Variants in ADAR observed in about 807,000 individuals in gnomAD.
ADAR encodes the protein double-stranded RNA-specific adenosine deaminase.
Under a neutral mutation model 113.2 loss-of-function variants are expected in ADAR, and 41 were observed. The ratio of observed to expected loss-of-function variants is 0.36; its 90% confidence interval spans 0.28 to 0.47. The LOEUF (loss-of-function observed/expected upper bound fraction) is 0.47, where lower values mean the gene tolerates loss of function less well. ADAR is among the 20% of genes least tolerant of loss of function. The pLI is 1.00. For missense variants in ADAR, 1,242 were observed against 1,540.9 expected (o/e 0.81, Z 3.25); for synonymous variants, 605 against 572.6 (o/e 1.06, Z -0.81).
chr1:154,598,707 A>C lies in ADAR; in HGVS notation c.1602-122T>G. 3.7e-6 allele frequency: 3 copies of C among 820,148 alleles called. No homozygotes were observed. The Admixed American group carries it at 6.2e-5, about 17-fold the overall frequency. The allele number at this position is 820,148 out of a possible 1,614,324, so 50.8% of individuals were successfully genotyped here. A position where few individuals can be genotyped will look rare whatever the true frequency, so the allele number is the denominator to read the frequency against. ...AGGGGCTTTTCACTTGTGGAGATGA[A>C]GGGTAGGCCAAGGAACTCCTTCCTA... On this transcript the variant is annotated intron_variant, in intron 2 of 14. Coordinates refer to ENST00000368474, the MANE Select transcript of ADAR (RefSeq NM_001111.5).
At chr1:154,590,138 A>AGGGGGGGGGGGGGGGGGGGGGGGGGGGGG in intron 7 of ADAR, 46 bp downstream of exon 7, 10 of 1,173,740 alleles carry the variant, frequency 8.5e-6, no homozygotes, top group East Asian at 2.5e-5. Context: ...AGGAGTTAGG[A>AGGGGGGGGGGGGGGGGGGGGGGGGGGGGG]GGACCCCCCC....
chr1:154,592,888 C>T (rs1194633455), intron 6 of ADAR, among the ~76,000 whole-genome samples: 1 of 151,882 alleles, frequency 6.6e-6, no homozygotes, highest in Non-Finnish European at 1.5e-5. Context: ...GTAATCCCAG[C>T]ACTTTGGGAG....
At chr1:154,587,475 T>C (rs543390350) in intron 11 of ADAR, among the ~76,000 whole-genome samples, 7 of 152,198 alleles carry the variant, frequency 4.6e-5, no homozygotes, top group Non-Finnish European at 8.8e-5. Flanking sequence ...TTAGTTTCCG[T>C]GTGGACACAG....
chr1:154,596,755 G>C (rs371282124), intron 6 of ADAR, 50 bp downstream of exon 6: 5 of 1,604,824 alleles, frequency 3.1e-6, no homozygotes, highest in Non-Finnish European at 4.3e-6. Context: ...CTGGGTTACA[G>C]ACCATCCCCA....
At chr1:154,621,480 C>A (rs560401797) in intron 1 of ADAR, among the ~76,000 whole-genome samples, 9 of 152,140 alleles carry the variant, frequency 5.9e-5, no homozygotes, top group African/African-American at 2.2e-4. Flanking sequence ...TGCTTTTTAC[C>A]ATGAGGATAA....
rs1463066566 is a variant in ADAR at position 154,597,053 on chromosome 1, G to A, written c.2080-58C>T. 2.5e-6 allele frequency: 4 copies of A among 1,613,960 alleles called. No homozygotes were observed. The East Asian group carries it at 8.9e-5, about 36-fold the overall frequency. ...AAACACTTCAGGAAATGTTGAGGGAGTCACTGGCAATCTTAAACCACTCAG... is the reference window on the plus strand; with the variant it reads ...AAACACTTCAGGAAATGTTGAGGGAATCACTGGCAATCTTAAACCACTCAG... On this transcript the variant is annotated intron_variant, in intron 5 of 14. Transcript: ENST00000368474.
chr1:154,609,103 G>T (rs939030077), upstream of ADAR, among the ~76,000 whole-genome samples: 3 of 152,194 alleles, frequency 2.0e-5, no homozygotes, highest in African/African-American at 4.8e-5. Context: ...CACTTTGCAG[G>T]TGTAGAAACC....
Position 154,584,743 on chromosome 1 carries a change from C to T in ADAR, c.*63G>A. ...TCCCCTGACCATGTGATGAGGAATGCTACGACCTACCTCTCTCACACCCTA... is the reference window on the plus strand; with the variant it reads ...TCCCCTGACCATGTGATGAGGAATGTTACGACCTACCTCTCTCACACCCTA... On this transcript the variant is annotated 3_prime_UTR_variant, in exon 15 of 15. Transcript: ENST00000368474. 7.3e-7 allele frequency: 1 copy of T among 1,377,850 alleles called. No individual in the cohort carries two copies. Among genetic ancestry groups the T allele is most frequent in the Non-Finnish European group, 1.0e-6 (1 of 968,250 alleles). 85.4% of individuals were successfully genotyped at this position (1,377,850 alleles called of 1,614,324 possible).
At chr1:154,592,097 C>T (rs183119431) in intron 6 of ADAR, among the ~76,000 whole-genome samples, 246 of 152,274 alleles carry the variant, frequency 1.6e-3, no homozygotes, top group Middle Eastern at 3.4e-3. Flanking sequence ...GCTGTGCTAT[C>T]CAATATGGTA....
intron 1 of ADAR, among the ~76,000 whole-genome samples, chr1:154,607,144 A>T (rs1698244217): frequency 6.6e-6 from 1 of 152,028 alleles, no homozygotes; most frequent in Non-Finnish European, 1.5e-5. Context: ...GCACCCACGG[A>T]TCCACTTTCC....
chr1:154,592,678 CACTT>C (rs1211407693), intron 6 of ADAR, among the ~76,000 whole-genome samples: 1 of 152,048 alleles, frequency 6.6e-6, no homozygotes, highest in Non-Finnish European at 1.5e-5. Flanking sequence ...ACAGTGGTAT[CACTT>C]ACTAAGCTGG....
chr1:154,623,832 A>G (rs187287572), intron 1 of ADAR, among the ~76,000 whole-genome samples: 2 of 152,026 alleles, frequency 1.3e-5, no homozygotes, highest in East Asian at 3.9e-4. Flanking sequence ...GTGAAACCCC[A>G]TTTCTACTAA....
rs1696519375 is a variant in ADAR at position 154,583,183 on chromosome 1, G to A, written c.*1623C>T. 1 of 152,110 alleles carries A rather than the reference G, an allele frequency of 6.6e-6. No homozygotes were observed. Among genetic ancestry groups the A allele is most frequent in the Non-Finnish European group, 1.5e-5 (1 of 68,006 alleles). 9.4% of individuals were successfully genotyped at this position (152,110 alleles called of 1,614,324 possible). ...TCCTGAAGGTCGCAGAGCCTCAGTA[G>A]TCCTCCTGAGTGTGTCTAGCTGACT... On this transcript the variant is annotated 3_prime_UTR_variant, in exon 15 of 15. Coordinates refer to ENST00000368474, the MANE Select transcript of ADAR (RefSeq NM_001111.5).
At chr1:154,594,549 A>C (rs1697374845) in intron 6 of ADAR, among the ~76,000 whole-genome samples, 1 of 152,206 alleles carries the variant, frequency 6.6e-6, no homozygotes, top group African/African-American at 2.4e-5. Context: ...CCCGCATCCC[A>C]AAGTGTTGGG....
chr1:154,614,447 C>T (rs1698579402), intron 1 of ADAR, among the ~76,000 whole-genome samples: 1 of 152,182 alleles, frequency 6.6e-6, no homozygotes, highest in South Asian at 2.1e-4. Flanking sequence ...TGCTCTCAGC[C>T]CCAGCCTCAT....
intron 11 of ADAR, among the ~76,000 whole-genome samples, chr1:154,587,564 A>T (rs1696847976): frequency 6.6e-6 from 1 of 152,168 alleles, no homozygotes; most frequent in Non-Finnish European, 1.5e-5. Context: ...TAGGGTATTT[A>T]GCAAGGTTTC....
chr1:154,589,811 T>C lies in ADAR; in HGVS notation c.2614A>G (p.Ile872Val), dbSNP rs781409066. ...SLLGRKILAA[I>V]IMKKDSEDMG... ...TCCTCAGAGTCTTTTTTCATAATGA[T>C]GGCGGCCAGAATCTTGCGGCCGAGC... The change falls in exon 8 of 15, where the codon ATC (isoleucine) becomes GTC (valine). Residue 872 changes from isoleucine to valine, a missense_variant. Coordinates refer to ENST00000368474, the MANE Select transcript of ADAR (RefSeq NM_001111.5). The C allele has an allele frequency of 1.2e-6, 2 of 1,614,058 alleles. No homozygotes were observed. The highest frequency in any genetic ancestry group is 8.5e-7 in the Non-Finnish European group (1 of 1,179,998).
At chr1:154,627,597 C>T (rs754062811) in intron 1 of ADAR, among the ~76,000 whole-genome samples, 5 of 152,232 alleles carry the variant, frequency 3.3e-5, no homozygotes, top group African/African-American at 7.2e-5. Context: ...CAGCCTCTGC[C>T]GCCCACACTC....
intron 4 of ADAR, 112 bp downstream of exon 4, chr1:154,597,716 T>G: frequency 1.4e-6 from 2 of 1,445,142 alleles, no homozygotes. Flanking sequence ...TTTCCCCATT[T>G]TGAAACAGGA....
Sources: allele counts gnomAD v4.1 joint callset (sites outside exome capture counted in the v4.1 genomes callset), GRCh38; gene constraint gnomAD v4.1.1; transcripts MANE v1.5; gene names NCBI Gene and HGNC (gene_info 2026-07-23, HGNC 2026-07-21).